Variants in EZR observed in about 807,000 individuals in gnomAD.
The protein encoded by EZR is cytovillin 2.
EZR carries 40 observed loss-of-function variants against 74.8 expected under a neutral mutation model. That is an observed-to-expected ratio of 0.53 (90% CI 0.42 to 0.70). EZR has a LOEUF of 0.70. Ranked by LOEUF, EZR falls within the 30% of genes least tolerant of loss-of-function variation. The probability of loss-of-function intolerance (pLI) is 0.00; values close to 1 mark genes in which losing one functional copy is unlikely to be tolerated. For missense variants in EZR, 678 were observed against 755.8 expected (o/e 0.90, Z 1.21); for synonymous variants, 341 against 283.3 (o/e 1.20, Z -2.05).
chr6:158,797,820 A>C (rs1209029421), intron 2 of EZR, among the ~76,000 whole-genome samples: 1 of 152,260 alleles, frequency 6.6e-6, no homozygotes, highest in Admixed American at 6.5e-5. Flanking sequence ...TACTTTAAAT[A>C]GCAGCTATTG....
chr6:158,793,489 C>G (rs1469980936), intron 2 of EZR, among the ~76,000 whole-genome samples: 2 of 152,050 alleles, frequency 1.3e-5, no homozygotes, highest in African/African-American at 4.8e-5. Flanking sequence ...AAAATCTAAA[C>G]AGGTAAATGA....
intron 7 of EZR, among the ~76,000 whole-genome samples, chr6:158,780,882 T>G (rs907455430): frequency 2.0e-5 from 3 of 152,148 alleles, no homozygotes; most frequent in African/African-American, 4.8e-5. Flanking sequence ...TATTCCAAGC[T>G]AAGGGTTTAA....
intron 2 of EZR, among the ~76,000 whole-genome samples, chr6:158,795,317 T>C (rs1320076224): frequency 6.6e-6 from 1 of 152,030 alleles, no homozygotes; most frequent in Non-Finnish European, 1.5e-5. Flanking sequence ...CTCAGGCCTG[T>C]AATCGCAGGA....
intron 2 of EZR, among the ~76,000 whole-genome samples, chr6:158,799,507 T>C (rs973205068): frequency 2.0e-5 from 3 of 152,266 alleles, no homozygotes; most frequent in African/African-American, 7.2e-5. Flanking sequence ...AGACAGGTTT[T>C]CTCTAATGAA....
rs138112240 is a variant in EZR at position 158,768,548 on chromosome 6, G to A, written c.1344+778C>T. The stretch of plus-strand genomic sequence containing the variant: ...CACAGTGGGGGAAGGACGGGCCAGC[G>A]GGTCTGTGAAGGAGAGGAGCTGCTT... On this transcript the variant is annotated intron_variant, in intron 12 of 13. Coordinates refer to ENST00000367075, the MANE Select transcript of EZR (RefSeq NM_001111077.2). Among the ~76,000 whole-genome samples, 14 of 152,230 alleles carry A rather than the reference G, an allele frequency of 9.2e-5. No individual in the cohort carries two copies. In the East Asian group the frequency reaches 2.3e-3, roughly 25 times the overall value.
intron 9 of EZR, 113 bp from the exon 10 acceptor site, chr6:158,771,007 C>A: frequency 2.0e-6 from 3 of 1,514,934 alleles, no homozygotes; most frequent in Non-Finnish European, 2.7e-6. Flanking sequence ...TCCTGAGGGC[C>A]ACCCTAGCCT....
chr6:158,803,527 TTATA>T (rs1437215380), intron 2 of EZR, among the ~76,000 whole-genome samples: 1 of 20,436 alleles, frequency 4.9e-5, no homozygotes, highest in Non-Finnish European at 1.2e-4. Context: ...TTATGTAACA[TTATA>T]TATATATATA....
intron 2 of EZR, among the ~76,000 whole-genome samples, chr6:158,817,755 A>C (rs779923091): frequency 6.6e-6 from 1 of 152,118 alleles, no homozygotes; most frequent in African/African-American, 2.4e-5. Flanking sequence ...TTTTTAAGAA[A>C]CTTCTAAGTT....
rs879552434 is a variant in EZR at position 158,766,623 on chromosome 6, A to AG, written c.*290dup. The AG allele has an allele frequency of 2.7e-6, 1 of 364,328 alleles. No individual in the cohort carries two copies. Among genetic ancestry groups the AG allele is most frequent in the Non-Finnish European group, 4.9e-6 (1 of 202,354 alleles). The allele number at this position is 364,328 out of a possible 1,614,324, so 22.6% of individuals were successfully genotyped here. A position where few individuals can be genotyped will look rare whatever the true frequency, so the allele number is the denominator to read the frequency against. ...CAGGCCAGCATGAAGTTTCTTACTC[A>AG]GACTTTACAGGCATTTTCCGTAATT... On this transcript the variant is annotated 3_prime_UTR_variant, in exon 14 of 14. Coordinates refer to ENST00000367075, the MANE Select transcript of EZR (RefSeq NM_001111077.2).
intron 2 of EZR, among the ~76,000 whole-genome samples, chr6:158,803,177 G>A (rs149480977): frequency 1.1e-4 from 16 of 142,662 alleles, no homozygotes; most frequent in African/African-American, 4.4e-4. Flanking sequence ...AGAAGTGGGG[G>A]CTGGGAATTT....
At chr6:158,818,282 G>A (rs1379270019) in intron 1 of EZR, 116 bp from the exon 2 acceptor site, 7 of 446,286 alleles carry the variant, frequency 1.6e-5, no homozygotes, top group South Asian at 8.1e-5. Flanking sequence ...GCCCGGGCCC[G>A]GGTGAGTCAG....
Position 158,785,619 on chromosome 6 carries a change from G to A in EZR, c.193-36C>T, listed in dbSNP as rs141772580. ...CAAGCCACACTCTCCACACAAATCC[G>A]GAAGACGAAGGCCCACTGTCCCCAA... On this transcript the variant is annotated intron_variant, in intron 4 of 13. Transcript: ENST00000367075. 9,248 of 1,604,156 alleles carry A rather than the reference G, an allele frequency of 5.8e-3. 48 individuals carry two copies. The highest frequency in any genetic ancestry group is 0.017 in the Middle Eastern group (103 of 6,026).
chr6:158,790,153 G>A (rs975975106), intron 2 of EZR, among the ~76,000 whole-genome samples: 5 of 152,194 alleles, frequency 3.3e-5, no homozygotes, highest in Admixed American at 6.5e-5. Context: ...GGATTATGTA[G>A]TGATATTAAA....
At chr6:158,817,923 A>C (rs1362424732) in intron 2 of EZR, 159 bp downstream of exon 2, 1 of 556,612 alleles carries the variant, frequency 1.8e-6, no homozygotes, top group Admixed American at 3.0e-5. Flanking sequence ...AAGGGTCAAC[A>C]AGTAACAAAG....
At chr6:158,807,068 T>C (rs1212024652) in intron 2 of EZR, among the ~76,000 whole-genome samples, 1 of 152,120 alleles carries the variant, frequency 6.6e-6, no homozygotes, top group African/African-American at 2.4e-5. Context: ...ATCCCAGCAC[T>C]TTGGGAGGCT....
Position 158,784,656 on chromosome 6 carries a change from C to G in EZR, c.539G>C (p.Arg180Pro), listed in dbSNP as rs539532068. Residue 180 changes from arginine to proline, a missense_variant, in exon 6 of 14, where the codon CGT becomes CCT. Transcript: ENST00000367075. Reference protein sequence around the residue: ...DRIQVWHAEHRGMLKDNAMLE... With the variant: ...DRIQVWHAEHPGMLKDNAMLE... The stretch of plus-strand genomic sequence containing the variant: ...GCACAGCACTCACTTGAGCATCCCA[C>G]GGTGTTCCGCATGCCACACCTGGAT... 6.2e-7 allele frequency: 1 copy of G among 1,614,016 alleles called. No homozygotes were observed. Among genetic ancestry groups the G allele is most frequent in the Non-Finnish European group, 8.5e-7 (1 of 1,179,848 alleles).
intron 8 of EZR, among the ~76,000 whole-genome samples, chr6:158,774,893 TATGACCCTCC>T (rs1219548757): frequency 5.9e-5 from 9 of 152,090 alleles, no homozygotes; most frequent in African/African-American, 2.2e-4. Context: ...ATGAAGACGC[TATGACCCTCC>T]ATTCATGCTG....
At chr6:158,770,326 T>C (rs1351177762) in intron 10 of EZR, among the ~76,000 whole-genome samples, 1 of 152,132 alleles carries the variant, frequency 6.6e-6, no homozygotes, top group Non-Finnish European at 1.5e-5. Context: ...TGGCGCCTTG[T>C]GTAATCGGCC....
chr6:158,772,281 C>T (rs757675400), intron 8 of EZR, among the ~76,000 whole-genome samples: 8 of 152,252 alleles, frequency 5.3e-5, no homozygotes, highest in Non-Finnish European at 1.2e-4. Context: ...ACTGCCAGCT[C>T]GTGCAGCACA....
Sources: allele counts gnomAD v4.1 joint callset (sites outside exome capture counted in the v4.1 genomes callset), GRCh38; gene constraint gnomAD v4.1.1; transcripts MANE v1.5; gene names NCBI Gene and HGNC (gene_info 2026-07-23, HGNC 2026-07-21).